Variants in TTBK2 observed in about 807,000 individuals in gnomAD.
TTBK2 encodes the protein tau-tubulin kinase 2.
A neutral mutation model predicts 110.8 loss-of-function variants in TTBK2; 28 were observed. The observed-to-expected ratio is 0.25, with a 90% CI of 0.19 to 0.35. The LOEUF (loss-of-function observed/expected upper bound fraction) is 0.35, where lower values mean the gene tolerates loss of function less well. Among genes scored for constraint, TTBK2 ranks in the 10% least tolerant of loss-of-function variants. The probability of loss-of-function intolerance (pLI) is 1.00; values close to 1 mark genes in which losing one functional copy is unlikely to be tolerated. For synonymous variants in TTBK2, 532 were observed against 527.3 expected (o/e 1.01, Z -0.12); for missense variants, 1,369 against 1,500.3 (o/e 0.91, Z 1.45).
At chr15:42,828,580 G>A (rs765065798) in intron 5 of TTBK2, among the ~76,000 whole-genome samples, 17 of 151,634 alleles carry the variant, frequency 1.1e-4, no homozygotes, top group African/African-American at 3.6e-4. Flanking sequence ...AAAATTAACC[G>A]GGTGCGGTGG....
chr15:42,801,559 C>T (rs1891204665), intron 9 of TTBK2: 3 of 768,288 alleles, frequency 3.9e-6, no homozygotes, highest in South Asian at 1.3e-5. Flanking sequence ...GCTCCTTATA[C>T]TTGATCTAGT....
At chr15:42,881,877 A>C (rs1895063899) in intron 1 of TTBK2, among the ~76,000 whole-genome samples, 1 of 152,162 alleles carries the variant, frequency 6.6e-6, no homozygotes, top group African/African-American at 2.4e-5. Context: ...TCTCAAAAAA[A>C]AAAATAAAAA....
At chr15:42,880,127 A>T (rs922422976) in intron 1 of TTBK2, among the ~76,000 whole-genome samples, 1 of 151,992 alleles carries the variant, frequency 6.6e-6, no homozygotes, top group African/African-American at 2.4e-5. Flanking sequence ...ACATATGATT[A>T]AAAAAAAGTT....
At position 42,741,726 on chromosome 15, in the gene TTBK2, A is replaced by G. The variant is rs75316497; in HGVS notation, c.*4069T>C. On this transcript the variant is annotated 3_prime_UTR_variant, in exon 15 of 15. Coordinates refer to ENST00000267890, the MANE Select transcript of TTBK2 (RefSeq NM_173500.4). ...AATATAAAAGACTTTGATCTCCAAG[A>G]CTAAATCTAGACTTATCTGCAAATA... The G allele has an allele frequency of 2.0e-5, 3 of 152,340 alleles. No homozygotes were observed. The East Asian group carries it at 5.8e-4, about 29-fold the overall frequency. 9.4% of individuals were successfully genotyped at this position (152,340 alleles called of 1,614,324 possible).
chr15:42,816,472 CCAATTTT>C (rs779068925), intron 7 of TTBK2, among the ~76,000 whole-genome samples: 2 of 151,920 alleles, frequency 1.3e-5, no homozygotes, highest in Non-Finnish European at 2.9e-5. Context: ...TCTGGCAAAT[CCAATTTT>C]ATTTTCCAAG....
At chr15:42,907,645 T>C (rs1182767157) in intron 1 of TTBK2, among the ~76,000 whole-genome samples, 4 of 151,964 alleles carry the variant, frequency 2.6e-5, no homozygotes, top group Non-Finnish European at 4.4e-5. Context: ...AGATTGGTGG[T>C]TACCAGAGGC....
At chr15:42,758,383 C>T (rs1177271092) in intron 13 of TTBK2, among the ~76,000 whole-genome samples, 3 of 152,056 alleles carry the variant, frequency 2.0e-5, no homozygotes, top group African/African-American at 7.2e-5. Context: ...AGGCTGGGCG[C>T]GGTGGCTCAC....
intron 10 of TTBK2, among the ~76,000 whole-genome samples, chr15:42,791,611 T>C (rs1384835707): frequency 6.6e-6 from 1 of 152,220 alleles, no homozygotes; most frequent in African/African-American, 2.4e-5. Context: ...CTTCTATTTC[T>C]TTCCTGAGTT....
At position 42,811,567 on chromosome 15, in the gene TTBK2, C is replaced by T. The variant is rs8032994; in HGVS notation, c.696+121G>A. 0.027 allele frequency: 19,932 copies of T among 730,388 alleles called. 1,480 individuals carry two copies. Among genetic ancestry groups the T allele is most frequent in the African/African-American group, 0.2 (11,348 of 56,612 alleles). 45.2% of individuals were successfully genotyped at this position (730,388 alleles called of 1,614,324 possible). ...ACACAGAAAAATACATATATTGGGACATAGTGAAAATGCTTGTAGATTTTA... is the reference window on the plus strand; with the variant it reads ...ACACAGAAAAATACATATATTGGGATATAGTGAAAATGCTTGTAGATTTTA... On this transcript the variant is annotated intron_variant, in intron 8 of 14. Coordinates refer to ENST00000267890, the MANE Select transcript of TTBK2 (RefSeq NM_173500.4).
chr15:42,739,477 T>G lies in TTBK2; in HGVS notation c.*6318A>C, dbSNP rs1484333220. ...TCCCTAAAAGCTGGGAACTTGTAAG[T>G]AAATGGCCTAGTGAAATAGACACTG... On this transcript the variant is annotated 3_prime_UTR_variant, in exon 15 of 15. Transcript: ENST00000267890. 6.6e-6 allele frequency: 1 copy of G among 152,200 alleles called. No individual in the cohort carries two copies. The highest frequency in any genetic ancestry group is 1.9e-4 in the East Asian group (1 of 5,204). The allele number at this position is 152,200 out of a possible 1,614,324, so 9.4% of individuals were successfully genotyped here. A position where few individuals can be genotyped will look rare whatever the true frequency, so the allele number is the denominator to read the frequency against.
At chr15:42,766,446 C>CAATAAAAAAAAAAAAAAA (rs1889377680) in intron 13 of TTBK2, among the ~76,000 whole-genome samples, 1 of 30,860 alleles carries the variant, frequency 3.2e-5, no homozygotes, top group Non-Finnish European at 5.2e-5. Flanking sequence ...GAATGGAAAG[C>CAATAAAAAAAAAAAAAAA]AAAAAAAAAA....
At chr15:42,854,615 T>C (rs1435032281) in intron 3 of TTBK2, among the ~76,000 whole-genome samples, 1 of 151,366 alleles carries the variant, frequency 6.6e-6, no homozygotes, top group East Asian at 1.9e-4. Flanking sequence ...TATTCTGAAT[T>C]CCTAAAACAT....
chr15:42,789,761 G>C (rs1012283534), intron 10 of TTBK2, among the ~76,000 whole-genome samples: 3 of 151,308 alleles, frequency 2.0e-5, no homozygotes, highest in African/African-American at 7.3e-5. Context: ...AAAATAAAAA[G>C]CTGAATAATA....
In TTBK2 at chr15:42,813,704, G is replaced by A. The variant is rs376113778; in HGVS notation, c.604-1924C>T. 4.1e-4 allele frequency among the ~76,000 whole-genome samples: 62 copies of A among 151,628 alleles called. 1 individual carries two copies. Among genetic ancestry groups the A allele is most frequent in the African/African-American group, 1.4e-3 (58 of 41,348 alleles). ...TATTAAAAAATAAAAAAATTAGCTGGGCGTGGCAGCATATGCCTGTAATCC... is the reference window on the plus strand; with the variant it reads ...TATTAAAAAATAAAAAAATTAGCTGAGCGTGGCAGCATATGCCTGTAATCC... On this transcript the variant is annotated intron_variant, in intron 7 of 14. Transcript: ENST00000267890.
intron 3 of TTBK2, among the ~76,000 whole-genome samples, chr15:42,866,212 G>A (rs919016386): frequency 3.3e-5 from 5 of 152,144 alleles, no homozygotes; most frequent in African/African-American, 1.2e-4. Flanking sequence ...GCTGAGGCAG[G>A]AGGATCACTG....
intron 1 of TTBK2, among the ~76,000 whole-genome samples, 156 bp downstream of exon 1, chr15:42,920,282 G>A (rs1230378451): frequency 4.6e-5 from 7 of 152,174 alleles, no homozygotes. Context: ...GAGAGTGACG[G>A]GGTCTGGCAC....
intron 13 of TTBK2, among the ~76,000 whole-genome samples, chr15:42,762,647 G>T (rs979065572): frequency 6.6e-6 from 1 of 152,166 alleles, no homozygotes; most frequent in Admixed American, 6.5e-5. Flanking sequence ...AACCCGGGAG[G>T]TGGTGGCTGC....
chr15:42,742,614 C>T lies in TTBK2; in HGVS notation c.*3181G>A, dbSNP rs2061758035. The T allele has an allele frequency of 6.6e-6, 1 of 152,168 alleles. No individual in the cohort carries two copies. Among genetic ancestry groups the T allele is most frequent in the African/African-American group, 2.4e-5 (1 of 41,436 alleles). 9.4% of individuals were successfully genotyped at this position (152,168 alleles called of 1,614,324 possible). ...TCTACCTTCTGTTCCACTCAAGTAC[C>T]TCCAGGGACTAACAAGGGAAGGCAA... is the stretch of plus-strand genomic sequence containing the variant. On this transcript the variant is annotated 3_prime_UTR_variant, in exon 15 of 15. Coordinates refer to ENST00000267890, the MANE Select transcript of TTBK2 (RefSeq NM_173500.4).
At chr15:42,912,957 C>G (rs2030862345) in intron 1 of TTBK2, among the ~76,000 whole-genome samples, 2 of 148,070 alleles carry the variant, frequency 1.4e-5, no homozygotes, top group Non-Finnish European at 3.0e-5. Flanking sequence ...AACCCCGTCT[C>G]TACTAAAAAT....
Sources: gnomAD v4.1 joint callset for allele counts (sites outside exome capture counted in the v4.1 genomes callset) on GRCh38, gnomAD v4.1.1 for gene constraint, MANE v1.5 for transcripts, NCBI Gene and HGNC (gene_info 2026-07-23, HGNC 2026-07-21) for gene names.